TFAP2A: variants seen among roughly 807,000 people sequenced by gnomAD.
TFAP2A encodes transcription factor AP-2 alpha.
A neutral mutation model predicts 41.5 loss-of-function variants in TFAP2A; 7 were observed. The ratio of observed to expected loss-of-function variants is 0.17; its 90% CI spans 0.10 to 0.32. TFAP2A has a LOEUF of 0.32. TFAP2A is among the 10% of genes least tolerant of loss of function. The probability of loss-of-function intolerance (pLI) is 1.00; values close to 1 mark genes in which losing one functional copy is unlikely to be tolerated. For missense variants in TFAP2A, 416 were observed against 563.3 expected (o/e 0.74, Z 2.65); for synonymous variants, 247 against 242.8 (o/e 1.02, Z -0.16).
rs766548263 is a variant in TFAP2A at position 10,409,907 on chromosome 6, C to T, written c.480G>A (p.Glu160=). The change falls in exon 2 of 7, where the codon GAG becomes GAA. Residue 160 remains glutamate (E), a synonymous_variant. Coordinates refer to ENST00000379613, the MANE Select transcript of TFAP2A (RefSeq NM_001372066.1). The part of the protein sequence containing the change: ...SIHSLPHAIE[E]VPHVEDPGIN... Reference sequence around the variant, plus strand: ...TGGTTGCGCGGCCTCTTACCGGGACCTCCTCGATGGCGTGAGGTAAGGAGT... The same window carrying T: ...TGGTTGCGCGGCCTCTTACCGGGACTTCCTCGATGGCGTGAGGTAAGGAGT... The T allele has an allele frequency of 6.5e-7, 1 of 1,548,508 alleles. No homozygotes were observed. The highest frequency in any genetic ancestry group is 2.4e-5 in the East Asian group (1 of 40,832).
At chr6:10,419,191 G>C (rs1203974027), upstream of TFAP2A, among the ~76,000 whole-genome samples, 1 of 152,158 alleles carries the variant, frequency 6.6e-6, no homozygotes, top group Non-Finnish European at 1.5e-5. Flanking sequence ...CCCCGGCGCC[G>C]GGCCCCGCGG....
Position 10,415,013 on chromosome 6 carries a change from C to T in TFAP2A, c.-22G>A, listed in dbSNP as rs373787155. ...TCATGGATCGGCGTGAACGGATATG[C>T]CCCTCTCGGTCTCGCACCCAAGTGG... On this transcript the variant is annotated 5_prime_UTR_variant, in exon 1 of 7. Transcript: ENST00000379613. The T allele has an allele frequency of 7.4e-6, 12 of 1,613,966 alleles. No individual in the cohort carries two copies. In the African/African-American group the frequency reaches 1.5e-4, roughly 20 times the overall value.
At chr6:10,399,020 A>T (rs1352067257) in intron 6 of TFAP2A, among the ~76,000 whole-genome samples, 2 of 152,230 alleles carry the variant, frequency 1.3e-5, no homozygotes, top group East Asian at 1.9e-4. Context: ...AAACCATTTC[A>T]CACATTGGAA....
chr6:10,400,683 C>G, intron 5 of TFAP2A, 94 bp from the exon 6 acceptor site: 1 of 1,425,048 alleles, frequency 7.0e-7, no homozygotes, highest in Admixed American at 1.7e-5. Flanking sequence ...TTCCCTTCAC[C>G]CCAGATGTTG....
intron 2 of TFAP2A, chr6:10,407,488 T>G (rs1488852614): frequency 1.3e-5 from 2 of 151,638 alleles, no homozygotes; most frequent in Non-Finnish European, 2.9e-5. Flanking sequence ...GGGGTGTTTT[T>G]CTTTTTCTTT....
chr6:10,404,383 T>A, intron 4 of TFAP2A, 125 bp downstream of exon 4: 2 of 284,628 alleles, frequency 7.0e-6, no homozygotes, highest in Non-Finnish European at 5.3e-6. Context: ...CCCCGCCCCC[T>A]TTCCTTTCCC....
intron 6 of TFAP2A, among the ~76,000 whole-genome samples, chr6:10,399,926 G>C (rs867251192): frequency 7.3e-6 from 1 of 137,714 alleles, no homozygotes; most frequent in East Asian, 2.8e-4. Flanking sequence ...CTCTCTGTCT[G>C]TGTGTGTGTG....
At position 10,398,274 on chromosome 6, in the gene TFAP2A, G is replaced by A. The variant is rs896380071; in HGVS notation, c.*143C>T. 8.9e-6 allele frequency: 14 copies of A among 1,566,240 alleles called. No homozygotes were observed. The highest frequency in any genetic ancestry group is 1.0e-5 in the Non-Finnish European group (12 of 1,160,924). On this transcript the variant is annotated 3_prime_UTR_variant, in exon 7 of 7. Coordinates refer to ENST00000379613, the MANE Select transcript of TFAP2A (RefSeq NM_001372066.1). The surrounding 1 kb of genome is among the most constrained non-coding windows in gnomAD (Gnocchi z 5.3). ...GTCCCGGAGACTCGGGGGGACCCAAGGGCAGCGGCGGCGGCGGCGGCGGCA... is the reference window on the plus strand; with the variant it reads ...GTCCCGGAGACTCGGGGGGACCCAAAGGCAGCGGCGGCGGCGGCGGCGGCA...
Position 10,410,015 on chromosome 6 carries a change from A to G in TFAP2A, c.372T>C (p.Asp124=). The change falls in exon 2 of 7, where the codon GAT becomes GAC. Residue 124 remains aspartate (D), a synonymous_variant. Transcript: ENST00000379613. ...CGTGCCGCCTGTAGTCCCTGCGAGG[A>G]TCCAGGCCCGACAGCTGGTGAGGCA... is the stretch of plus-strand genomic sequence containing the variant. ...RGLPHQLSGL[D]PRRDYRRHED... is the part of the protein sequence containing the mutation. 6.2e-7 allele frequency: 1 copy of G among 1,612,326 alleles called. No individual in the cohort carries two copies. Among genetic ancestry groups the G allele is most frequent in the South Asian group, 1.1e-5 (1 of 90,972 alleles).
upstream of TFAP2A, chr6:10,419,540 C>T: frequency 6.5e-7 from 1 of 1,545,786 alleles, no homozygotes; most frequent in Non-Finnish European, 8.9e-7. Flanking sequence ...TTAGGCAAAT[C>T]CTCCTTTTTT....
Position 10,398,348 on chromosome 6 carries a change from G to C in TFAP2A, c.*69C>G, listed in dbSNP as rs1246232305. On this transcript the variant is annotated 3_prime_UTR_variant, in exon 7 of 7. Transcript: ENST00000379613. The surrounding 1 kb of genome is among the most constrained non-coding windows in gnomAD (Gnocchi z 5.3). ...AGGAAGGGTTGCTGATCCCGGAGCT[G>C]TCACCCGCCGGAGGGTGGGCGCGCG... 3 of 1,591,058 alleles carry C rather than the reference G, an allele frequency of 1.9e-6. No individual in the cohort carries two copies. Among genetic ancestry groups the C allele is most frequent in the Non-Finnish European group, 2.6e-6 (3 of 1,173,448 alleles).
At chr6:10,402,240 G>A (rs192204320) in intron 5 of TFAP2A, 17 of 574,172 alleles carry the variant, frequency 3.0e-5, no homozygotes, top group Middle Eastern at 2.7e-4. Context: ...AAACTTGTGC[G>A]TTGTTTAGCT....
intron 6 of TFAP2A, among the ~76,000 whole-genome samples, chr6:10,399,786 C>T (rs964517788): frequency 6.6e-6 from 1 of 152,228 alleles, no homozygotes; most frequent in African/African-American, 2.4e-5. Context: ...TCTTTTCACA[C>T]ATCACCTGGA....
At chr6:10,406,880 C>G (rs1159730729) in intron 2 of TFAP2A, 36 bp from the exon 3 acceptor site, 23 of 1,544,140 alleles carry the variant, frequency 1.5e-5, no homozygotes, top group Non-Finnish European at 2.1e-5. Context: ...GTAAGTGTAT[C>G]ATCAAAACAA....
chr6:10,411,886 A>C, intron 1 of TFAP2A: 6 of 1,281,874 alleles, frequency 4.7e-6, no homozygotes, highest in East Asian at 3.8e-5. Flanking sequence ...AACCCCAAAA[A>C]AGGAAAAAGG....
chr6:10,412,109 T>C (rs1375828502), intron 1 of TFAP2A: 1 of 994,584 alleles, frequency 1.0e-6, no homozygotes, highest in Non-Finnish European at 1.2e-6. Context: ...GAGAGGCAAC[T>C]CGCGCCGGAG....
chr6:10,418,921 C>T (rs146124635), upstream of TFAP2A, among the ~76,000 whole-genome samples: 5 of 152,234 alleles, frequency 3.3e-5, no homozygotes, highest in African/African-American at 1.2e-4. Flanking sequence ...CTAGATCTCC[C>T]GAAATCTGGG....
At chr6:10,402,055 G>A (rs1022345585) in intron 5 of TFAP2A, 2 of 335,564 alleles carry the variant, frequency 6.0e-6, no homozygotes, top group Admixed American at 4.2e-5. Context: ...AGACCTGAAA[G>A]GGCACATAAC....
At position 10,402,228 on chromosome 6, in the gene TFAP2A, T is replaced by C. The variant is rs780582057; in HGVS notation, c.889+264A>G. The C allele has an allele frequency of 3.3e-5, 18 of 551,914 alleles. No individual in the cohort carries two copies. In the African/African-American group the frequency reaches 3.4e-4, roughly 10 times the overall value. 34.2% of individuals were successfully genotyped at this position (551,914 alleles called of 1,614,324 possible). ...GACAAACTTGGAGAATGTGCAGTTC[T>C]TAAACTTGTGCGTTGTTTAGCTCAG... On this transcript the variant is annotated intron_variant, in intron 5 of 6. Coordinates refer to ENST00000379613, the MANE Select transcript of TFAP2A (RefSeq NM_001372066.1).
Sources: gnomAD v4.1 joint callset for allele counts (sites outside exome capture counted in the v4.1 genomes callset) on GRCh38, gnomAD v4.1.1 for gene constraint, Gnocchi (gnomAD v3.1) non-coding constraint, MANE v1.5 for transcripts, NCBI Gene and HGNC (gene_info 2026-07-23, HGNC 2026-07-21) for gene names.